The following WBP11 variants were observed in gnomAD, a reference collection of about 807,000 sequenced individuals.
The protein encoded by WBP11 is WW domain binding protein 11, also known as WW domain-binding protein 11.
Under a neutral mutation model 66.7 loss-of-function variants are expected in WBP11, and 12 were observed. That is an observed-to-expected ratio of 0.18 (90% CI 0.12 to 0.29). The LOEUF is 0.29. Among genes scored for constraint, WBP11 ranks in the 10% least tolerant of loss-of-function variants. The pLI is 1.00. For missense variants in WBP11, 555 were observed against 818.3 expected (o/e 0.68, Z 3.93); for synonymous variants, 255 against 273.8 (o/e 0.93, Z 0.68).
At position 14,799,744 on chromosome 12, in the gene WBP11, G is replaced by C. The variant is rs1271993554; in HGVS notation, c.97-16C>G. The C allele has an allele frequency of 6.2e-7, 1 of 1,608,102 alleles. No homozygotes were observed. The highest frequency in any genetic ancestry group is 8.5e-7 in the Non-Finnish European group (1 of 1,177,264). On this transcript the variant is annotated splice_polypyrimidine_tract_variant and intron_variant, in intron 3 of 11. Coordinates refer to ENST00000261167, the MANE Select transcript of WBP11 (RefSeq NM_016312.3). ...GTTTTTTGTTCTTAGAAAAATAAAAGGGCAGATGTCAAGAAGTCAGGCACT... is the reference window on the plus strand; with the variant it reads ...GTTTTTTGTTCTTAGAAAAATAAAACGGCAGATGTCAAGAAGTCAGGCACT...
rs1949897811 is a variant in WBP11, at chr12:14,796,672, C to T, written c.387+135G>A. On this transcript the variant is annotated intron_variant, in intron 5 of 11. Transcript: ENST00000261167. This position sits in a 1 kb window ranked among gnomAD's most constrained non-coding sequence, Gnocchi z 4.5. The stretch of plus-strand genomic sequence containing the variant: ...TCCCCAAAATATATGCAAATATACA[C>T]AAAAACAAAACAAAATATAAAAAAA... The T allele has an allele frequency of 1.2e-6, 1 of 838,144 alleles. No individual in the cohort carries two copies. The highest frequency in any genetic ancestry group is 1.7e-6 in the Non-Finnish European group (1 of 584,640). 51.9% of individuals were successfully genotyped at this position (838,144 alleles called of 1,614,324 possible).
Position 14,786,851 on chromosome 12 carries a change from A to G in WBP11, c.*214T>C. 5.7e-6 allele frequency: 3 copies of G among 529,254 alleles called. No homozygotes were observed. The highest frequency in any genetic ancestry group is 2.7e-5 in the South Asian group (1 of 37,158). The allele number at this position is 529,254 out of a possible 1,614,324, so 32.8% of individuals were successfully genotyped here. Reference sequence around the variant, plus strand: ...GGTGGTATGAAAGGGAATGGATGTTAGCAGCACTGCTTCAATAACTGATCT... The same window carrying G: ...GGTGGTATGAAAGGGAATGGATGTTGGCAGCACTGCTTCAATAACTGATCT... On this transcript the variant is annotated 3_prime_UTR_variant, in exon 12 of 12. Transcript: ENST00000261167.
At position 14,788,801 on chromosome 12, in the gene WBP11, G is replaced by A. The variant is rs879438075; in HGVS notation, c.1492+150C>T. The A allele has an allele frequency of 1.1e-4, 49 of 454,066 alleles. No homozygotes were observed. The Admixed American group carries it at 1.9e-3, about 18-fold the overall frequency. The allele number at this position is 454,066 out of a possible 1,614,324, so 28.1% of individuals were successfully genotyped here. A position where few individuals can be genotyped will look rare whatever the true frequency, so the allele number is the denominator to read the frequency against. On this transcript the variant is annotated intron_variant, in intron 11 of 11. Coordinates refer to ENST00000261167, the MANE Select transcript of WBP11 (RefSeq NM_016312.3). ...AGTGCAAATACCCACTGGAAGAACTGTACTTCAAGCCAGGTCAACGGCAAC... is the reference window on the plus strand; with the variant it reads ...AGTGCAAATACCCACTGGAAGAACTATACTTCAAGCCAGGTCAACGGCAAC...
At chr12:14,787,714 A>G (rs1181363697) in intron 11 of WBP11, among the ~76,000 whole-genome samples, 1 of 152,184 alleles carries the variant, frequency 6.6e-6, no homozygotes, top group Non-Finnish European at 1.5e-5. Flanking sequence ...TTACAGTATT[A>G]TGTTCTCTTC....
intron 8 of WBP11, among the ~76,000 whole-genome samples, chr12:14,792,764 T>C (rs989198178): frequency 1.3e-5 from 2 of 148,678 alleles, no homozygotes; most frequent in African/African-American, 2.5e-5. Flanking sequence ...ACCTAGGAGA[T>C]GGAGGTTGCA....
rs541741948 is a variant in WBP11, at chr12:14,796,059, C to T, written c.387+748G>A. On this transcript the variant is annotated intron_variant, in intron 5 of 11. Coordinates refer to ENST00000261167, the MANE Select transcript of WBP11 (RefSeq NM_016312.3). The surrounding 1 kb of genome is among the most constrained non-coding windows in gnomAD (Gnocchi z 4.5). ...CTAATATCATCCCCCAAGGCAACCA[C>T]GGCTACATTTTTTTTTCCTGCACAG... Among the ~76,000 whole-genome samples, 5 of 152,102 alleles carry T rather than the reference C, an allele frequency of 3.3e-5. No homozygotes were observed. The highest frequency in any genetic ancestry group is 1.9e-4 in the East Asian group (1 of 5,192).
intron 10 of WBP11, among the ~76,000 whole-genome samples, chr12:14,789,369 G>A (rs930593755): frequency 1.3e-5 from 2 of 152,000 alleles, no homozygotes; most frequent in Non-Finnish European, 2.9e-5. Flanking sequence ...TGGATCACAA[G>A]GTCAGGAGTT....
Position 14,801,336 on chromosome 12 carries a change from G to A in WBP11, c.48C>T (p.Asn16=), listed in dbSNP as rs1479887591. Residue 16 remains asparagine (N), a synonymous_variant, in exon 2 of 12, where the codon AAC becomes AAT. Transcript: ENST00000261167. ...GACACTTACGGGCTTGGTCTGTGGGGTTCATAAATTTTCCACTCTTGGTGG... is the reference window on the plus strand; with the variant it reads ...GACACTTACGGGCTTGGTCTGTGGGATTCATAAATTTTCCACTCTTGGTGG... ...TSSTKSGKFM[N]PTDQARKEAR... is the part of the protein sequence containing the mutation. 1.2e-6 allele frequency: 2 copies of A among 1,612,904 alleles called. No homozygotes were observed. Among genetic ancestry groups the A allele is most frequent in the East Asian group, 4.5e-5 (2 of 44,814 alleles).
intron 6 of WBP11, 77 bp from the exon 7 acceptor site, chr12:14,794,813 C>T (rs1949871914): frequency 2.0e-6 from 3 of 1,535,160 alleles, no homozygotes; most frequent in East Asian, 4.5e-5. Context: ...ATTTTCTCTT[C>T]TAAACAATTT....
intron 3 of WBP11, 75 bp from the exon 4 acceptor site, chr12:14,799,803 A>C: frequency 7.2e-7 from 1 of 1,385,446 alleles, no homozygotes. Flanking sequence ...TTAAGAATCT[A>C]AACAGAATAA....
In WBP11 at chr12:14,786,907, A is replaced by G; in HGVS notation, c.*158T>C. 1 of 741,516 alleles carries G rather than the reference A, an allele frequency of 1.3e-6. No individual in the cohort carries two copies. The highest frequency in any genetic ancestry group is 2.9e-5 in the Admixed American group (1 of 34,088). The allele number at this position is 741,516 out of a possible 1,614,324, so 45.9% of individuals were successfully genotyped here. A position where few individuals can be genotyped will look rare whatever the true frequency, so the allele number is the denominator to read the frequency against. ...GGATGAAATACCCTTTTTTATGTGC[A>G]GTAAATTCTGAACAAGGCTAAATTT... On this transcript the variant is annotated 3_prime_UTR_variant, in exon 12 of 12. Transcript: ENST00000261167.
At chr12:14,791,065 T>C (rs1480596522) in intron 9 of WBP11, 104 bp downstream of exon 9, 51 of 1,136,684 alleles carry the variant, frequency 4.5e-5, no homozygotes, top group Non-Finnish European at 6.1e-5. Flanking sequence ...CAAGGACTTA[T>C]TACTTACTTG....
intron 2 of WBP11, 138 bp from the exon 3 acceptor site, chr12:14,800,921 C>A: frequency 1.6e-6 from 1 of 636,460 alleles, no homozygotes; most frequent in East Asian, 2.8e-5. Context: ...TGGATTCTCT[C>A]CACTACATGC....
At chr12:14,788,147 G>A (rs904768304) in intron 11 of WBP11, among the ~76,000 whole-genome samples, 1 of 152,152 alleles carries the variant, frequency 6.6e-6, no homozygotes, top group Non-Finnish European at 1.5e-5. Flanking sequence ...GCTGAGGCAG[G>A]AGAATTGCTT....
At chr12:14,801,166 TAA>T in intron 2 of WBP11, 152 bp downstream of exon 2, 1 of 606,556 alleles carries the variant, frequency 1.6e-6, no homozygotes, top group Non-Finnish European at 2.8e-6. Context: ...TTTGCATATT[TAA>T]AGTCTTAATG....
Position 14,789,117 on chromosome 12 carries a change from C to G in WBP11, c.1326G>C (p.Leu442=). Residue 442 remains leucine, a synonymous_variant, in exon 11 of 12, where the codon CTG becomes CTC. Coordinates refer to ENST00000261167, the MANE Select transcript of WBP11 (RefSeq NM_016312.3). ...GGAGTCCTGGCATTCCAGGTGGTCT[C>G]AGGAATGGAGGAGCTCCTGAAAAGA... ...PGPPPGAPPF[L]RPPGMPGLRG... is the part of the protein sequence containing the mutation. 6.5e-7 allele frequency: 1 copy of G among 1,531,294 alleles called. No homozygotes were observed. The highest frequency in any genetic ancestry group is 8.7e-7 in the Non-Finnish European group (1 of 1,150,064). 94.9% of individuals were successfully genotyped at this position (1,531,294 alleles called of 1,614,324 possible). A position where few individuals can be genotyped will look rare whatever the true frequency, so the allele number is the denominator to read the frequency against.
rs1949761439 is a variant in WBP11, at chr12:14,787,037, C to G, written c.*28G>C. On this transcript the variant is annotated 3_prime_UTR_variant, in exon 12 of 12. Transcript: ENST00000261167. ...TTTCTCCATGGGCCACTGTTGTGAA[C>G]AGAAGCCTTTTCTGGCATCAAAAGC... 1 of 1,596,340 alleles carries G rather than the reference C, an allele frequency of 6.3e-7. No individual in the cohort carries two copies. The highest frequency in any genetic ancestry group is 8.6e-7 in the Non-Finnish European group (1 of 1,169,292).
Position 14,793,937 on chromosome 12 carries a change from G to C in WBP11, c.722-15C>G. The stretch of plus-strand genomic sequence containing the variant: ...ACCTCGCTGGGCTGAAAAGTGGGAA[G>C]GGAACATGGAGAAGTAGTATGATTG... On this transcript the variant is annotated splice_polypyrimidine_tract_variant and intron_variant, in intron 7 of 11. Coordinates refer to ENST00000261167, the MANE Select transcript of WBP11 (RefSeq NM_016312.3). 6.3e-7 allele frequency: 1 copy of C among 1,597,908 alleles called. No homozygotes were observed. Among genetic ancestry groups the C allele is most frequent in the Non-Finnish European group, 8.5e-7 (1 of 1,170,834 alleles).
chr12:14,802,781 C>T (rs114511357), intron 1 of WBP11, among the ~76,000 whole-genome samples: 2,361 of 152,138 alleles, frequency 0.016, 60 homozygotes, highest in African/African-American at 0.053. Context: ...ACAAGCTCTC[C>T]CATCTTTGAT....
Sources: gnomAD v4.1 joint callset for allele counts (sites outside exome capture counted in the v4.1 genomes callset) on GRCh38, gnomAD v4.1.1 for gene constraint, Gnocchi (gnomAD v3.1) non-coding constraint, MANE v1.5 for transcripts, NCBI Gene and HGNC (gene_info 2026-07-23, HGNC 2026-07-21) for gene names.